RTTN: variants seen among roughly 807,000 people sequenced by gnomAD.
RTTN encodes the protein rotatin.
Under a neutral mutation model 269.2 loss-of-function variants are expected in RTTN, and 182 were observed. That is an observed-to-expected ratio of 0.68 (90% CI 0.60 to 0.76). The LOEUF is 0.76. Among genes scored for constraint, RTTN ranks in the 30% least tolerant of loss-of-function variants. The probability of loss-of-function intolerance (pLI) is 0.00; values close to 1 mark genes in which losing one functional copy is unlikely to be tolerated. For synonymous variants in RTTN, 1,006 were observed against 963.5 expected, an observed-to-expected ratio of 1.04 and a Z score of -0.82; for missense variants, 2,545 against 2,608.6, an observed-to-expected ratio of 0.98 and a Z score of 0.53.
chr18:70,191,100 G>A (rs1296458504), intron 8 of RTTN, among the ~76,000 whole-genome samples: 9 of 151,950 alleles, frequency 5.9e-5, no homozygotes, highest in Non-Finnish European at 1.0e-4. Context: ...AGGCTGAGGC[G>A]GGAGAATCTT....
At chr18:70,197,436 C>T (rs1161040990) in intron 6 of RTTN, among the ~76,000 whole-genome samples, 188 bp downstream of exon 6, 1 of 152,158 alleles carries the variant, frequency 6.6e-6, no homozygotes, top group Admixed American at 6.5e-5. Context: ...TCAAATGAAA[C>T]TACTACTATT....
chr18:70,181,423 T>C (rs1462817420), intron 10 of RTTN, among the ~76,000 whole-genome samples: 1 of 152,190 alleles, frequency 6.6e-6, no homozygotes, highest in African/African-American at 2.4e-5. Context: ...GATGGAGGAC[T>C]AGGGGGAATG....
At chr18:70,121,034 G>C (rs185804679) in intron 26 of RTTN, among the ~76,000 whole-genome samples, 1 of 151,984 alleles carries the variant, frequency 6.6e-6, no homozygotes, top group African/African-American at 2.4e-5. Flanking sequence ...CTGGGTGACA[G>C]GGCGAGACGC....
chr18:70,150,056 TA>T lies in RTTN; in HGVS notation c.2086del (p.Tyr696ThrfsTer7). 6.2e-7 allele frequency: 1 copy of T among 1,613,312 alleles called. No homozygotes were observed. Among genetic ancestry groups the T allele is most frequent in the Non-Finnish European group, 8.5e-7 (1 of 1,179,426 alleles). ...CATCATCAATCGTCCCTGAAGCAGG[TA>T]TAACAGAATGGCCTTGGCAGCAGTG... ...VNTAAKAILLYLLQGRLMMTA... is the reference protein window; with the variant it reads ...VNTAAKAILLXLLQGRLMMTA... On this transcript the variant is annotated frameshift_variant, in exon 16 of 49. Coordinates refer to ENST00000640769, the MANE Select transcript of RTTN (RefSeq NM_173630.4). LOFTEE classifies it high-confidence loss of function.
intron 46 of RTTN, chr18:70,008,526 T>C (rs1424777887): frequency 6.6e-6 from 1 of 151,874 alleles, no homozygotes; most frequent in East Asian, 1.9e-4. Context: ...TTACAGGAAA[T>C]GCTAACTAGA....
chr18:70,174,885 G>C (rs1479738778), intron 11 of RTTN, among the ~76,000 whole-genome samples: 1 of 150,802 alleles, frequency 6.6e-6, no homozygotes, highest in East Asian at 1.9e-4. Context: ...AAAATTAGCT[G>C]GGTGTGGTGG....
chr18:70,088,054 C>T lies in RTTN; in HGVS notation c.4237G>A (p.Gly1413Arg), dbSNP rs780369249. Reference sequence around the variant, plus strand: ...ATGTTCACCACAGTTCCCCAGAGCCCACCGGAAATGTTCTGACAACTGTTT... The same window carrying T: ...ATGTTCACCACAGTTCCCCAGAGCCTACCGGAAATGTTCTGACAACTGTTT... The part of the protein sequence containing the change: ...LANSCQNISG[G>R]LWGTVVNILL... The change falls in exon 31 of 49, where the codon GGG becomes AGG. Residue 1413 changes from glycine to arginine, a missense_variant. Physicochemically the swap from Gly to Arg is moderately radical, Grantham distance 125 (BLOSUM62 -2). Transcript: ENST00000640769. 5 of 1,613,838 alleles carry T rather than the reference C, an allele frequency of 3.1e-6. No homozygotes were observed. Among genetic ancestry groups the T allele is most frequent in the Non-Finnish European group, 4.2e-6 (5 of 1,179,922 alleles).
chr18:70,175,525 G>T (rs1391057690), intron 11 of RTTN, among the ~76,000 whole-genome samples: 2 of 151,764 alleles, frequency 1.3e-5, no homozygotes, highest in Non-Finnish European at 2.9e-5. Context: ...TCCTACCAAA[G>T]ATGACTTCTG....
In RTTN at chr18:70,030,859, T is replaced by C; in HGVS notation, c.5647+17A>G. Reference sequence around the variant, plus strand: ...TTGATAATGCCATCAAAACAGCTGATGTGTCATGTGGCTCACCTTTCAAAG... The same window carrying C: ...TTGATAATGCCATCAAAACAGCTGACGTGTCATGTGGCTCACCTTTCAAAG... On this transcript the variant is annotated intron_variant, in intron 41 of 48. Coordinates refer to ENST00000640769, the MANE Select transcript of RTTN (RefSeq NM_173630.4). The C allele has an allele frequency of 6.4e-7, 1 of 1,566,910 alleles. No homozygotes were observed. The highest frequency in any genetic ancestry group is 8.7e-7 in the Non-Finnish European group (1 of 1,143,938).
chr18:70,140,320 A>G (rs1161373781), intron 19 of RTTN, 132 bp from the exon 20 acceptor site: 1 of 577,906 alleles, frequency 1.7e-6, no homozygotes, highest in Non-Finnish European at 3.0e-6. Flanking sequence ...GGGTTGACAT[A>G]AGAGTATGAA....
intron 14 of RTTN, among the ~76,000 whole-genome samples, chr18:70,153,882 A>C (rs2060605802): frequency 6.6e-6 from 1 of 152,210 alleles, no homozygotes; most frequent in African/African-American, 2.4e-5. Context: ...ACCACATTGC[A>C]CTATACAGAT....
intron 36 of RTTN, among the ~76,000 whole-genome samples, chr18:70,058,796 T>TAA (rs74175402): frequency 6.6e-6 from 1 of 151,858 alleles, no homozygotes; most frequent in East Asian, 1.9e-4. Context: ...GTAGGTACAG[T>TAA]AAAAAAATGA....
chr18:70,106,106 G>A (rs931484618), intron 28 of RTTN, among the ~76,000 whole-genome samples: 1 of 152,158 alleles, frequency 6.6e-6, no homozygotes, highest in Non-Finnish European at 1.5e-5. Context: ...GCAGCACTTT[G>A]GTAGGCCAAA....
At chr18:70,034,754 T>C (rs1184954797) in intron 40 of RTTN, among the ~76,000 whole-genome samples, 1 of 152,082 alleles carries the variant, frequency 6.6e-6, no homozygotes, top group Non-Finnish European at 1.5e-5. Flanking sequence ...GAAGTCAAAT[T>C]ATCCCTGTTT....
intron 14 of RTTN, among the ~76,000 whole-genome samples, chr18:70,163,121 C>T (rs2060891618): frequency 1.5e-5 from 2 of 130,050 alleles, no homozygotes; most frequent in Non-Finnish European, 1.6e-5. Flanking sequence ...CGGTGGCTCA[C>T]ATTTGTAATC....
chr18:70,016,426 T>TG (rs2056539972), intron 46 of RTTN, among the ~76,000 whole-genome samples: 1 of 152,154 alleles, frequency 6.6e-6, no homozygotes, highest in Non-Finnish European at 1.5e-5. Context: ...CTTTTATAGA[T>TG]GAAGAAGCTG....
intron 38 of RTTN, 82 bp from the exon 39 acceptor site, chr18:70,051,630 G>A (rs555858112): frequency 2.6e-5 from 26 of 999,250 alleles, no homozygotes; most frequent in Admixed American, 1.4e-4. Flanking sequence ...TACCACAGAC[G>A]CTTCATTACA....
At chr18:70,181,686 A>C (rs2146022034) in intron 10 of RTTN, among the ~76,000 whole-genome samples, 1 of 152,270 alleles carries the variant, frequency 6.6e-6, no homozygotes, top group African/African-American at 2.4e-5. Context: ...TGTTCCTTTA[A>C]TGACTCAACA....
Position 70,127,750 on chromosome 18 carries a change from A to G in RTTN, c.3144-9T>C, listed in dbSNP as rs2059903658. On this transcript the variant is annotated splice_polypyrimidine_tract_variant and intron_variant, in intron 24 of 48. Transcript: ENST00000640769. ...TCAATGCATCTAAAATTCTAGACAA[A>G]AAGAAAAAAAATGAAGGAGGAACAT... 9 of 1,598,894 alleles carry G rather than the reference A, an allele frequency of 5.6e-6. No homozygotes were observed. The highest frequency in any genetic ancestry group is 1.3e-5 in the African/African-American group (1 of 74,354).
Sources: allele counts gnomAD v4.1 joint callset (sites outside exome capture counted in the v4.1 genomes callset), GRCh38; gene constraint gnomAD v4.1.1; transcripts MANE v1.5; gene names NCBI Gene and HGNC (gene_info 2026-07-23, HGNC 2026-07-21).